Variants in CNTN4 observed in about 807,000 individuals in gnomAD.
The protein encoded by CNTN4 is contactin 4.
Under a neutral mutation model 122.5 loss-of-function variants are expected in CNTN4, and 77 were observed. That is an observed-to-expected ratio of 0.63 (90% CI 0.52 to 0.76). The LOEUF (loss-of-function observed/expected upper bound fraction) is 0.76. CNTN4 is among the 30% of genes least tolerant of loss of function. The probability of loss-of-function intolerance (pLI) is 0.00; values close to 1 mark genes in which losing one functional copy is unlikely to be tolerated. For missense variants in CNTN4, 1,256 were observed against 1,259.1 expected (o/e 1.00, Z 0.04); for synonymous variants, 512 against 447.0 (o/e 1.15, Z -1.83).
At chr3:2,494,611 G>A (rs1486268291) in intron 3 of CNTN4, among the ~76,000 whole-genome samples, 2 of 152,198 alleles carry the variant, frequency 1.3e-5, no homozygotes, top group Non-Finnish European at 2.9e-5. Context: ...CTGGATCAGG[G>A]AAAGTCCTGG....
At chr3:2,192,987 G>A (rs949184122) in intron 2 of CNTN4, among the ~76,000 whole-genome samples, 1 of 152,160 alleles carries the variant, frequency 6.6e-6, no homozygotes, top group Admixed American at 6.5e-5. Flanking sequence ...CTGAAATTCA[G>A]TACTGCCTTT....
At chr3:2,455,182 G>A (rs572809699) in intron 3 of CNTN4, among the ~76,000 whole-genome samples, 43 of 152,276 alleles carry the variant, frequency 2.8e-4, no homozygotes, top group Admixed American at 2.8e-3. Flanking sequence ...ATTGAACACA[G>A]CAAGGGCTGT....
intron 14 of CNTN4, among the ~76,000 whole-genome samples, chr3:3,008,684 G>C (rs1696885737): frequency 6.6e-6 from 1 of 152,156 alleles, no homozygotes; most frequent in Non-Finnish European, 1.5e-5. Context: ...CTGACACAGA[G>C]ACACTCTACA....
intron 14 of CNTN4, among the ~76,000 whole-genome samples, chr3:3,019,377 A>C: frequency 6.6e-6 from 1 of 151,982 alleles, no homozygotes; most frequent in East Asian, 1.9e-4. Flanking sequence ...CGACACTGCA[A>C]CCTCCACCTC....
At chr3:2,749,745 T>G (rs2149592279) in intron 6 of CNTN4, among the ~76,000 whole-genome samples, 1 of 152,334 alleles carries the variant, frequency 6.6e-6, no homozygotes, top group Non-Finnish European at 1.5e-5. Flanking sequence ...GGAGTTTATC[T>G]TTTTGATCAT....
intron 2 of CNTN4, among the ~76,000 whole-genome samples, chr3:2,333,538 G>T (rs571065063): frequency 3.3e-5 from 5 of 152,124 alleles, no homozygotes. Flanking sequence ...AAGTCCCAAG[G>T]ATGTGATTAT....
chr3:2,585,700 G>GAGGGGT (rs1244256754), intron 4 of CNTN4, among the ~76,000 whole-genome samples: 1 of 122,554 alleles, frequency 8.2e-6, no homozygotes, highest in African/African-American at 3.0e-5. Flanking sequence ...GGGGTGGGGG[G>GAGGGGT]AGGGGTAGGG....
chr3:2,192,342 A>G (rs988151307), intron 2 of CNTN4, among the ~76,000 whole-genome samples: 2 of 152,064 alleles, frequency 1.3e-5, no homozygotes, highest in African/African-American at 4.8e-5. Context: ...TTACAGTCCC[A>G]CCAACAGTGT....
intron 2 of CNTN4, among the ~76,000 whole-genome samples, chr3:2,280,394 T>G (rs1374638226): frequency 3.9e-5 from 6 of 152,326 alleles, no homozygotes; most frequent in African/African-American, 1.4e-4. Context: ...CACTACTCCC[T>G]TTTTTGTTTC....
intron 2 of CNTN4, among the ~76,000 whole-genome samples, chr3:2,114,715 T>G (rs904560497): frequency 6.6e-6 from 1 of 152,136 alleles, no homozygotes; most frequent in Non-Finnish European, 1.5e-5. Context: ...CTCTAGCGAA[T>G]GGGACAAATT....
chr3:2,676,623 G>A (rs1041506985), intron 4 of CNTN4, among the ~76,000 whole-genome samples: 2 of 152,218 alleles, frequency 1.3e-5, no homozygotes, highest in African/African-American at 2.4e-5. Context: ...ATGAATGGAT[G>A]AGCAAGAGTT....
intron 13 of CNTN4, among the ~76,000 whole-genome samples, chr3:2,962,534 G>T (rs902946356): frequency 6.6e-6 from 1 of 152,198 alleles, no homozygotes; most frequent in African/African-American, 2.4e-5. Context: ...TGAATCTAAG[G>T]TGTCCCTCTG....
chr3:2,572,970 G>A lies in CNTN4; in HGVS notation c.55+1412G>A, dbSNP rs2079492205. Among the ~76,000 whole-genome samples the A allele has an allele frequency of 2.0e-5, 3 of 152,024 alleles. No individual in the cohort carries two copies. In the East Asian group the frequency reaches 5.8e-4, roughly 29 times the overall value. On this transcript the variant is annotated intron_variant, in intron 4 of 24. Coordinates refer to ENST00000418658, the MANE Select transcript of CNTN4 (RefSeq NM_175607.3). ...CCTTTATCCAATTTCTTTCTTCCAC[G>A]ACCCTTAAGAAGTAAGCATTTATCA...
At chr3:3,013,906 A>G (rs1432091451) in intron 14 of CNTN4, among the ~76,000 whole-genome samples, 1 of 152,098 alleles carries the variant, frequency 6.6e-6, no homozygotes, top group Non-Finnish European at 1.5e-5. Context: ...ATGTGTACCT[A>G]TTTGTTATAA....
chr3:2,832,744 A>G (rs928151716), intron 7 of CNTN4, among the ~76,000 whole-genome samples: 9 of 152,356 alleles, frequency 5.9e-5, no homozygotes, highest in African/African-American at 1.7e-4. Context: ...AATGATAGCC[A>G]GACACCAGTA....
intron 3 of CNTN4, among the ~76,000 whole-genome samples, chr3:2,459,690 C>G (rs374484432): frequency 6.6e-6 from 1 of 152,052 alleles, no homozygotes; most frequent in African/African-American, 2.4e-5. Flanking sequence ...CAGCTCAAAG[C>G]TCTAGAAAGT....
intron 7 of CNTN4, among the ~76,000 whole-genome samples, chr3:2,855,394 C>T (rs2093607278): frequency 6.6e-6 from 1 of 152,226 alleles, no homozygotes; most frequent in South Asian, 2.1e-4. Flanking sequence ...ATCTCACTTT[C>T]CCTGTCTCTC....
At chr3:2,722,494 G>A in intron 4 of CNTN4, among the ~76,000 whole-genome samples, 1 of 152,198 alleles carries the variant, frequency 6.6e-6, no homozygotes, top group East Asian at 1.9e-4. Context: ...AGAGGTGTAT[G>A]GGAAGGGATT....
At chr3:2,703,341 G>A (rs954931552) in intron 4 of CNTN4, among the ~76,000 whole-genome samples, 1 of 152,110 alleles carries the variant, frequency 6.6e-6, no homozygotes, top group Non-Finnish European at 1.5e-5. Flanking sequence ...GAATATAATA[G>A]CTTACATGAA....
Sources: allele counts gnomAD v4.1 joint callset (sites outside exome capture counted in the v4.1 genomes callset), GRCh38; gene constraint gnomAD v4.1.1; transcripts MANE v1.5; gene names NCBI Gene and HGNC (gene_info 2026-07-23, HGNC 2026-07-21).